Variants in DLGAP4 observed in about 807,000 individuals in gnomAD.
The protein encoded by DLGAP4 is DLG associated protein 4, also known as disks large-associated protein 4.
DLGAP4 carries 18 observed loss-of-function variants against 86.9 expected under a neutral mutation model. That is an observed-to-expected ratio of 0.21 (90% CI 0.14 to 0.31). DLGAP4 has a LOEUF of 0.31. Among genes scored for constraint, DLGAP4 ranks in the 10% least tolerant of loss-of-function variants. The pLI, the probability that DLGAP4 is intolerant of heterozygous loss-of-function variation, is 1.00. For synonymous variants in DLGAP4, 548 were observed against 574.3 expected (o/e 0.95, Z 0.65); for missense variants, 1,085 against 1,362.6 (o/e 0.80, Z 3.21).
intron 1 of DLGAP4, among the ~76,000 whole-genome samples, chr20:36,317,622 TA>T (rs1346388237): frequency 0.88 from 127,286 of 144,640 alleles, 57,629 homozygotes; most frequent in East Asian, 1. Context: ...CCCAGCTAAT[TA>T]AAAAAAAAAA....
intron 7 of DLGAP4, among the ~76,000 whole-genome samples, chr20:36,465,009 T>C (rs1364429799): frequency 6.6e-6 from 1 of 152,210 alleles, no homozygotes; most frequent in African/African-American, 2.4e-5. Context: ...TCAAGATCTG[T>C]ACTACAGGAT....
intron 2 of DLGAP4, among the ~76,000 whole-genome samples, chr20:36,419,518 G>A (rs979733639): frequency 2.0e-5 from 3 of 152,130 alleles, no homozygotes; most frequent in East Asian, 1.9e-4. Context: ...GCTTCTAGGG[G>A]TCAGGAATCG....
intron 1 of DLGAP4, among the ~76,000 whole-genome samples, chr20:36,366,832 G>A (rs1166433820): frequency 1.3e-5 from 2 of 152,168 alleles, no homozygotes; most frequent in Non-Finnish European, 2.9e-5. Flanking sequence ...TGCATGACAT[G>A]CAAATTTGCC....
At chr20:36,469,281 G>A (rs910590235) in intron 7 of DLGAP4, among the ~76,000 whole-genome samples, 15 of 152,128 alleles carry the variant, frequency 9.9e-5, no homozygotes, top group African/African-American at 3.6e-4. Flanking sequence ...AGCACACCGA[G>A]ATCTAGCCAG....
intron 1 of DLGAP4, among the ~76,000 whole-genome samples, chr20:36,344,233 T>C (rs1401313090): frequency 2.6e-5 from 4 of 152,214 alleles, no homozygotes; most frequent in African/African-American, 9.6e-5. Flanking sequence ...CCTTGAGCAG[T>C]TAACTTCACC....
Position 36,527,130 on chromosome 20 carries a change from G to T in DLGAP4, c.*99G>T. On this transcript the variant is annotated 3_prime_UTR_variant, in exon 13 of 13. Coordinates refer to ENST00000339266, the MANE Select transcript of DLGAP4 (RefSeq NM_001365621.2). The stretch of plus-strand genomic sequence containing the variant: ...TCTCAACCTTTGCTATGGTTATTCT[G>T]TCTAGAGACCCTGAGCCAACTTTCA... 1 of 1,287,628 alleles carries T rather than the reference G, an allele frequency of 7.8e-7. No individual in the cohort carries two copies. The highest frequency in any genetic ancestry group is 1.0e-6 in the Non-Finnish European group (1 of 960,464). The allele number at this position is 1,287,628 out of a possible 1,614,324, so 79.8% of individuals were successfully genotyped here.
At chr20:36,457,449 G>T (rs2033907100) in intron 7 of DLGAP4, among the ~76,000 whole-genome samples, 1 of 147,734 alleles carries the variant, frequency 6.8e-6, no homozygotes, top group Non-Finnish European at 1.5e-5. Context: ...GAGTGCAATG[G>T]CTGCAATGTC....
chr20:36,419,339 CAGG>C lies in DLGAP4; in HGVS notation c.-72-12306_-72-12304del, dbSNP rs565239917. On this transcript the variant is annotated intron_variant, in intron 2 of 12. Transcript: ENST00000339266. ...GAGATGGGGTCCTCGTTATGTTGCC[CAGG>C]CTGGTTTTGAACTCCTGGCCTCAAG... is the stretch of plus-strand genomic sequence containing the variant. 4.4e-3 allele frequency among the ~76,000 whole-genome samples: 667 copies of C among 152,030 alleles called. 7 individuals are homozygous for C. Among genetic ancestry groups the C allele is most frequent in the African/African-American group, 0.015 (641 of 41,462 alleles).
Position 36,362,579 on chromosome 20 carries a change from C to G in DLGAP4, c.-303-4466C>G, listed in dbSNP as rs114116642. Among the ~76,000 whole-genome samples, 904 of 152,308 alleles carry G rather than the reference C, an allele frequency of 5.9e-3. 9 individuals carry two copies. The highest frequency in any genetic ancestry group is 0.021 in the African/African-American group (859 of 41,566). Reference sequence around the variant, plus strand: ...AGGAGGGAAAACCCAGAGCTCATGACAGTTGGTCAAGGAATATCTCCAGTA... The same window carrying G: ...AGGAGGGAAAACCCAGAGCTCATGAGAGTTGGTCAAGGAATATCTCCAGTA... On this transcript the variant is annotated intron_variant, in intron 1 of 12. Coordinates refer to ENST00000339266, the MANE Select transcript of DLGAP4 (RefSeq NM_001365621.2).
At chr20:36,321,005 G>C (rs1415279565) in intron 1 of DLGAP4, among the ~76,000 whole-genome samples, 1 of 152,178 alleles carries the variant, frequency 6.6e-6, no homozygotes, top group Non-Finnish European at 1.5e-5. Context: ...CCAGGTCCTT[G>C]CTGGATGTAG....
chr20:36,501,470 A>G (rs1241638374), intron 10 of DLGAP4, among the ~76,000 whole-genome samples: 1 of 152,164 alleles, frequency 6.6e-6, no homozygotes, highest in Non-Finnish European at 1.5e-5. Context: ...TTAAGTTTCT[A>G]CCTATATCAT....
intron 7 of DLGAP4, among the ~76,000 whole-genome samples, chr20:36,448,623 G>T (rs183917930): frequency 6.6e-6 from 1 of 152,214 alleles, no homozygotes; most frequent in Admixed American, 6.5e-5. Context: ...ACCTGACTCT[G>T]AGCTTCCTGA....
At chr20:36,337,077 G>A (rs1013489297) in intron 1 of DLGAP4, among the ~76,000 whole-genome samples, 3 of 152,150 alleles carry the variant, frequency 2.0e-5, no homozygotes, top group Admixed American at 6.5e-5. Context: ...AGCTGCAGCC[G>A]CATTTCCCCA....
intron 2 of DLGAP4, among the ~76,000 whole-genome samples, chr20:36,396,381 AT>A: frequency 2.3e-5 from 1 of 44,088 alleles, no homozygotes. Flanking sequence ...CACACCCCAC[AT>A]ACACACATGC....
chr20:36,407,495 G>T (rs963983752), intron 2 of DLGAP4, among the ~76,000 whole-genome samples: 1 of 152,150 alleles, frequency 6.6e-6, no homozygotes, highest in African/African-American at 2.4e-5. Context: ...GACTCAGAGT[G>T]TGGGAGAGAA....
Position 36,436,194 on chromosome 20 carries a change from G to A in DLGAP4, c.1085G>A (p.Arg362Gln). 1 of 1,602,318 alleles carries A rather than the reference G, an allele frequency of 6.2e-7. No homozygotes were observed. The highest frequency in any genetic ancestry group is 1.1e-5 in the South Asian group (1 of 90,626). ...DAAAEGPIPC[R>Q]RMRSGSYIKA... ...GCGGCCGAGGGCCCTATCCCGTGCC[G>A]GCGCATGCGCAGCGGCAGCTACATC... Residue 362 changes from arginine (R) to glutamine (Q), a missense_variant, in exon 4 of 13, where the codon CGG (arginine) becomes CAG (glutamine). Coordinates refer to ENST00000339266, the MANE Select transcript of DLGAP4 (RefSeq NM_001365621.2).
At chr20:36,430,791 C>A (rs967805490) in intron 2 of DLGAP4, among the ~76,000 whole-genome samples, 15 of 151,638 alleles carry the variant, frequency 9.9e-5, no homozygotes, top group Non-Finnish European at 2.1e-4. Context: ...CCTGTCTCTA[C>A]TAAAAATACA....
chr20:36,523,481 TCA>T (rs2037508301), intron 10 of DLGAP4, among the ~76,000 whole-genome samples: 1 of 152,232 alleles, frequency 6.6e-6, no homozygotes, highest in Non-Finnish European at 1.5e-5. Flanking sequence ...CTATCTGCTC[TCA>T]GAGTTCTTAA....
intron 2 of DLGAP4, among the ~76,000 whole-genome samples, chr20:36,405,213 A>C (rs540512585): frequency 6.6e-6 from 1 of 152,288 alleles, no homozygotes; most frequent in African/African-American, 2.4e-5. Flanking sequence ...GAAGATGTGG[A>C]TAGTGGTTAA....
Sources: gnomAD v4.1 joint callset for allele counts (sites outside exome capture counted in the v4.1 genomes callset) on GRCh38, gnomAD v4.1.1 for gene constraint, MANE v1.5 for transcripts, NCBI Gene and HGNC (gene_info 2026-07-23, HGNC 2026-07-21) for gene names.